Variants in MTUS2 observed in about 807,000 individuals in gnomAD.
MTUS2 encodes the protein microtubule-associated tumor suppressor candidate 2.
In MTUS2, 40 loss-of-function variants were observed where a neutral mutation model predicts 114.1. That is an observed-to-expected ratio of 0.35 (90% CI 0.27 to 0.46). MTUS2 has a LOEUF of 0.46. Ranked by LOEUF, MTUS2 falls within the 20% of genes least tolerant of loss-of-function variation. The pLI, the probability that MTUS2 is intolerant of heterozygous loss-of-function variation, is 1.00. For synonymous variants in MTUS2, 688 were observed against 672.0 expected (o/e 1.02, Z -0.37); for missense variants, 1,679 against 1,705.4 (o/e 0.98, Z 0.27).
intron 11 of MTUS2, among the ~76,000 whole-genome samples, chr13:29,491,760 GTA>G (rs1291854580): frequency 4.7e-5 from 7 of 147,612 alleles, no homozygotes; most frequent in Admixed American, 6.8e-5. Context: ...TGTGCGTGTG[GTA>G]TGTGTGTGAT....
chr13:29,313,240 C>T (rs750825638), intron 6 of MTUS2, among the ~76,000 whole-genome samples: 1 of 151,908 alleles, frequency 6.6e-6, no homozygotes, highest in African/African-American at 2.4e-5. Flanking sequence ...TACGAAGTTG[C>T]AGTGACTGTG....
chr13:28,991,698 AT>A (rs1360781723), intron 2 of MTUS2, among the ~76,000 whole-genome samples: 4 of 152,112 alleles, frequency 2.6e-5, no homozygotes, highest in Admixed American at 2.0e-4. Flanking sequence ...ATTTAATTTA[AT>A]TTAGACTGTG....
intron 5 of MTUS2, among the ~76,000 whole-genome samples, chr13:29,163,848 G>T (rs968989786): frequency 6.6e-6 from 1 of 152,118 alleles, no homozygotes; most frequent in Admixed American, 6.5e-5. Context: ...GTTAGAAAAA[G>T]CCTTTCAAAC....
At chr13:29,114,434 G>C (rs1891003011) in intron 5 of MTUS2, among the ~76,000 whole-genome samples, 1 of 152,194 alleles carries the variant, frequency 6.6e-6, no homozygotes, top group Non-Finnish European at 1.5e-5. Context: ...ATCCTCATAT[G>C]TAAGAGCAGC....
intron 2 of MTUS2, among the ~76,000 whole-genome samples, chr13:28,950,829 A>G (rs1257432748): frequency 6.6e-6 from 1 of 152,262 alleles, no homozygotes; most frequent in Non-Finnish European, 1.5e-5. Flanking sequence ...AAAATGTGAC[A>G]TGGAGACATG....
chr13:29,182,659 T>A (rs1306939156), intron 5 of MTUS2, among the ~76,000 whole-genome samples: 1 of 152,220 alleles, frequency 6.6e-6, no homozygotes, highest in African/African-American at 2.4e-5. Context: ...TAGCAGAAGA[T>A]GACAAATAGT....
intron 7 of MTUS2, among the ~76,000 whole-genome samples, chr13:29,330,306 T>C (rs971566704): frequency 6.6e-6 from 1 of 152,218 alleles, no homozygotes; most frequent in African/African-American, 2.4e-5. Context: ...TACTTTTAAA[T>C]TTAAGTTCAT....
At chr13:29,158,506 A>G (rs1444818904) in intron 5 of MTUS2, among the ~76,000 whole-genome samples, 1 of 151,848 alleles carries the variant, frequency 6.6e-6, no homozygotes, top group African/African-American at 2.4e-5. Flanking sequence ...AGCTGGACCC[A>G]GAAAGAACAG....
chr13:28,956,054 G>GCC (rs35847187), intron 2 of MTUS2, among the ~76,000 whole-genome samples: 5 of 140,148 alleles, frequency 3.6e-5, no homozygotes, highest in Admixed American at 3.0e-4. Context: ...TCTGTCTCTT[G>GCC]CCCCCCCCCA....
intron 9 of MTUS2, among the ~76,000 whole-genome samples, chr13:29,469,190 C>T (rs556293358): frequency 6.6e-6 from 1 of 152,310 alleles, no homozygotes; most frequent in Non-Finnish European, 1.5e-5. Context: ...TCCTGCCCCG[C>T]CTCTCCTGCC....
chr13:28,992,160 G>C (rs930444302), intron 2 of MTUS2, among the ~76,000 whole-genome samples: 16 of 152,136 alleles, frequency 1.1e-4, no homozygotes, highest in Non-Finnish European at 2.2e-4. Context: ...CCCCTCCATG[G>C]GCTGAAGCAT....
chr13:28,908,311 G>GC (rs1314392032), intron 2 of MTUS2, among the ~76,000 whole-genome samples: 1 of 151,198 alleles, frequency 6.6e-6, no homozygotes, highest in Non-Finnish European at 1.5e-5. Flanking sequence ...CCCACAACAG[G>GC]CCCCGGTGGG....
chr13:29,340,823 C>T (rs1212286946), intron 7 of MTUS2, among the ~76,000 whole-genome samples: 2 of 152,120 alleles, frequency 1.3e-5, no homozygotes, highest in Non-Finnish European at 2.9e-5. Context: ...CCCCAAGTCC[C>T]CAAAGTGCAT....
At chr13:29,069,420 TG>T (rs1193977555) in intron 4 of MTUS2, among the ~76,000 whole-genome samples, 1 of 152,238 alleles carries the variant, frequency 6.6e-6, no homozygotes, top group African/African-American at 2.4e-5. Flanking sequence ...TCTACCTTTT[TG>T]CTCTTTTCAG....
chr13:29,275,028 C>G (rs1255726127), intron 5 of MTUS2, among the ~76,000 whole-genome samples: 1 of 152,174 alleles, frequency 6.6e-6, no homozygotes, highest in Non-Finnish European at 1.5e-5. Context: ...GCCATCATGC[C>G]CAGCCTATAA....
chr13:29,411,144 AT>A, intron 8 of MTUS2, among the ~76,000 whole-genome samples: 1 of 152,210 alleles, frequency 6.6e-6, no homozygotes, highest in Non-Finnish European at 1.5e-5. Flanking sequence ...ACCCCACACT[AT>A]TGTTAAAAGA....
At chr13:29,300,979 A>C (rs1899177913) in intron 6 of MTUS2, among the ~76,000 whole-genome samples, 1 of 152,252 alleles carries the variant, frequency 6.6e-6, no homozygotes, top group Admixed American at 6.5e-5. Flanking sequence ...TCAATTCTGT[A>C]AGATAACTGG....
chr13:28,916,339 C>A (rs548249336), intron 2 of MTUS2, among the ~76,000 whole-genome samples: 2 of 151,734 alleles, frequency 1.3e-5, no homozygotes, highest in Non-Finnish European at 3.0e-5. Flanking sequence ...TGAAAAATGT[C>A]GTTGGTATTT....
intron 5 of MTUS2, among the ~76,000 whole-genome samples, chr13:29,167,729 C>T (rs1887747): frequency 0.81 from 123,075 of 151,938 alleles, 49,912 homozygotes; most frequent in South Asian, 0.83. Context: ...TGAGCATCAA[C>T]ATGATGCTCA....
Sources: allele counts gnomAD v4.1 joint callset (sites outside exome capture counted in the v4.1 genomes callset), GRCh38; gene constraint gnomAD v4.1.1; transcripts MANE v1.5; gene names NCBI Gene and HGNC (gene_info 2026-07-23, HGNC 2026-07-21).